NYAP2: variants seen among roughly 807,000 people sequenced by gnomAD.
NYAP2 encodes neuronal tyrosine-phosphorylated phosphoinositide-3-kinase adapter 2.
In NYAP2, 23 loss-of-function variants were observed where a neutral mutation model predicts 50.4. The ratio of observed to expected loss-of-function variants is 0.46; its 90% CI spans 0.33 to 0.65. The LOEUF is 0.65. Ranked by LOEUF, NYAP2 falls within the 30% of genes least tolerant of loss-of-function variation. NYAP2 has a pLI of 0.02. For missense variants in NYAP2, 885 were observed against 861.0 expected (o/e 1.03, Z -0.35); for synonymous variants, 394 against 365.2 (o/e 1.08, Z -0.90).
chr2:225,551,370 G>C (rs1691671774), intron 4 of NYAP2, among the ~76,000 whole-genome samples: 1 of 152,224 alleles, frequency 6.6e-6, no homozygotes, highest in Non-Finnish European at 1.5e-5. Flanking sequence ...AAGATAGACT[G>C]TTGAATCCCA....
At chr2:225,668,130 A>G in the NYAP2 span, among the ~76,000 whole-genome samples, 1 of 152,268 alleles carries the variant, frequency 6.6e-6, no homozygotes, top group Middle Eastern at 3.4e-3. Flanking sequence ...GTTTCTCCAA[A>G]TCTCCTGAAT....
At chr2:225,414,935 T>G (rs1695100247) in intron 3 of NYAP2, among the ~76,000 whole-genome samples, 1 of 152,206 alleles carries the variant, frequency 6.6e-6, no homozygotes, top group Non-Finnish European at 1.5e-5. Context: ...CCAGTACATG[T>G]CTTTCTGAGC....
chr2:225,472,856 C>A (rs1288094851), intron 3 of NYAP2, among the ~76,000 whole-genome samples: 1 of 151,946 alleles, frequency 6.6e-6, no homozygotes, highest in East Asian at 1.9e-4. Context: ...ATGTGCACAA[C>A]GTGCAGGTTT....
chr2:225,604,685 A>G (rs904449076), intron 5 of NYAP2, among the ~76,000 whole-genome samples: 1 of 152,138 alleles, frequency 6.6e-6, no homozygotes, highest in Non-Finnish European at 1.5e-5. Flanking sequence ...CTTTCCCTAA[A>G]CAATATCTCT....
intron 3 of NYAP2, among the ~76,000 whole-genome samples, chr2:225,472,849 T>G (rs1690034990): frequency 6.6e-6 from 1 of 152,230 alleles, no homozygotes; most frequent in South Asian, 2.1e-4. Context: ...AGGGTACATG[T>G]GCACAACGTG....
intron 4 of NYAP2, among the ~76,000 whole-genome samples, chr2:225,541,521 T>G (rs1431299766): frequency 1.3e-5 from 2 of 152,324 alleles, no homozygotes; most frequent in East Asian, 3.8e-4. Flanking sequence ...ATATCCCATT[T>G]TCCAAGCACC....
chr2:225,580,063 C>T (rs1442980216), intron 4 of NYAP2, among the ~76,000 whole-genome samples: 1 of 152,182 alleles, frequency 6.6e-6, no homozygotes, highest in Non-Finnish European at 1.5e-5. Flanking sequence ...ATTCCTATAA[C>T]TCAATATTTG....
At chr2:225,478,325 C>T (rs1690151362) in intron 3 of NYAP2, among the ~76,000 whole-genome samples, 1 of 151,950 alleles carries the variant, frequency 6.6e-6, no homozygotes, top group Non-Finnish European at 1.5e-5. Flanking sequence ...AAACAGGAAT[C>T]CAGGAAGAAG....
At chr2:225,425,097 G>A (rs1309815027) in intron 3 of NYAP2, among the ~76,000 whole-genome samples, 4 of 152,046 alleles carry the variant, frequency 2.6e-5, no homozygotes, top group Non-Finnish European at 4.4e-5. Context: ...TTCAGAAAAA[G>A]GAGACAGAAA....
At chr2:225,421,491 A>G (rs1695213919) in intron 3 of NYAP2, among the ~76,000 whole-genome samples, 1 of 152,214 alleles carries the variant, frequency 6.6e-6, no homozygotes, top group Non-Finnish European at 1.5e-5. Context: ...AAAGAAAGAC[A>G]ATGGGGAAAT....
In NYAP2 at chr2:225,461,645, G is replaced by T. The variant is rs181836739; in HGVS notation, c.222-51726G>T. On this transcript the variant is annotated intron_variant, in intron 3 of 6. Coordinates refer to ENST00000636099, the Ensembl canonical transcript of NYAP2. ...ATTTTATTTTGGAGACCATCTCAGG[G>T]CAGGAGGGAAATCCAAAAATTCTTT... Among the ~76,000 whole-genome samples, 256 of 152,190 alleles carry T rather than the reference G, an allele frequency of 1.7e-3. 2 individuals carry two copies. The highest frequency in any genetic ancestry group is 5.9e-3 in the African/African-American group (244 of 41,518).
At chr2:225,430,847 T>A (rs1386360659) in intron 3 of NYAP2, among the ~76,000 whole-genome samples, 1 of 152,216 alleles carries the variant, frequency 6.6e-6, no homozygotes, top group African/African-American at 2.4e-5. Flanking sequence ...ATTGGCTAGA[T>A]TTAGTCATTC....
At chr2:225,573,758 C>T (rs905623018) in intron 4 of NYAP2, among the ~76,000 whole-genome samples, 9 of 152,142 alleles carry the variant, frequency 5.9e-5, no homozygotes, top group South Asian at 2.1e-4. Context: ...TGAACTTCTT[C>T]GTAACATGTT....
At chr2:225,433,229 T>C (rs1689297940) in intron 3 of NYAP2, among the ~76,000 whole-genome samples, 1 of 152,156 alleles carries the variant, frequency 6.6e-6, no homozygotes, top group African/African-American at 2.4e-5. Flanking sequence ...TGCATGCCTG[T>C]AGTCCCAGCT....
chr2:225,648,062 A>G (rs1693665444), intron 6 of NYAP2, among the ~76,000 whole-genome samples: 1 of 152,050 alleles, frequency 6.6e-6, no homozygotes, highest in Admixed American at 6.6e-5. Context: ...GTGCAATGGC[A>G]TGGTCTTGGC....
At chr2:225,592,626 G>A (rs571392107) in intron 5 of NYAP2, among the ~76,000 whole-genome samples, 168 of 152,208 alleles carry the variant, frequency 1.1e-3, no homozygotes, top group Non-Finnish European at 2.0e-3. Context: ...TTGAAAATTC[G>A]TGTGACTCCT....
chr2:225,671,692 A>C, the NYAP2 span, among the ~76,000 whole-genome samples: 1 of 152,156 alleles, frequency 6.6e-6, no homozygotes, highest in Non-Finnish European at 1.5e-5. Flanking sequence ...TACCAAATTT[A>C]TCAAATGAAT....
chr2:225,488,739 C>T (rs1485134632), intron 3 of NYAP2, among the ~76,000 whole-genome samples: 2 of 152,176 alleles, frequency 1.3e-5, no homozygotes, highest in East Asian at 1.9e-4. Context: ...TCCCAAACTT[C>T]CTGAACAGGT....
At chr2:225,563,218 G>A (rs1471805868) in intron 4 of NYAP2, among the ~76,000 whole-genome samples, 1 of 152,066 alleles carries the variant, frequency 6.6e-6, no homozygotes, top group East Asian at 1.9e-4. Context: ...CCTAGAGATG[G>A]TGGCAAGAAA....
Sources: gnomAD v4.1 joint callset for allele counts (sites outside exome capture counted in the v4.1 genomes callset) on GRCh38, gnomAD v4.1.1 for gene constraint, MANE v1.5 for transcripts, NCBI Gene and HGNC (gene_info 2026-07-23, HGNC 2026-07-21) for gene names.